The following CAMK1D variants were observed in gnomAD, a reference collection of about 807,000 sequenced individuals.
CAMK1D encodes calcium/calmodulin dependent protein kinase ID.
In CAMK1D, 9 loss-of-function variants were observed where a neutral mutation model predicts 47.7. The ratio of observed to expected loss-of-function variants is 0.19; its 90% CI spans 0.11 to 0.33. CAMK1D has a LOEUF of 0.33. Among genes scored for constraint, CAMK1D ranks in the 10% least tolerant of loss-of-function variants. The pLI, the probability that CAMK1D is intolerant of heterozygous loss-of-function variation, is 1.00. For missense variants in CAMK1D, 291 were observed against 488.7 expected, an observed-to-expected ratio of 0.60 and a Z score of 3.81; for synonymous variants, 184 against 184.9, an observed-to-expected ratio of 0.99 and a Z score of 0.04.
At chr10:12,624,995 TTCCTCCTCCTCCTCC>T (rs57078350) in intron 2 of CAMK1D, among the ~76,000 whole-genome samples, 1 of 148,286 alleles carries the variant, frequency 6.7e-6, no homozygotes, top group East Asian at 2.0e-4. Context: ...TTCCTCCTCT[TTCCTCCTCCTCCTCC>T]TCCTCCTCCT....
chr10:12,774,292 T>C (rs1429157357), intron 5 of CAMK1D, among the ~76,000 whole-genome samples: 1 of 151,926 alleles, frequency 6.6e-6, no homozygotes, highest in African/African-American at 2.4e-5. Context: ...TTAACTACAG[T>C]GTGCAGGCAG....
intron 8 of CAMK1D, among the ~76,000 whole-genome samples, chr10:12,820,120 A>G (rs1486857460): frequency 2.6e-5 from 4 of 152,216 alleles, no homozygotes; most frequent in African/African-American, 4.8e-5. Flanking sequence ...GCTCACTGCA[A>G]CCTCCGCTTC....
intron 2 of CAMK1D, among the ~76,000 whole-genome samples, chr10:12,637,932 G>A (rs776961569): frequency 3.0e-4 from 45 of 152,150 alleles, no homozygotes; most frequent in Non-Finnish European, 5.4e-4. Context: ...GGCCACCGAT[G>A]TCCAGCCTTG....
intron 1 of CAMK1D, among the ~76,000 whole-genome samples, chr10:12,462,417 G>A (rs932012151): frequency 7.9e-5 from 12 of 151,664 alleles, no homozygotes; most frequent in African/African-American, 2.9e-4. Context: ...GCCCACCCTG[G>A]CCTCCCAAAG....
At chr10:12,510,652 C>G (rs1427354349) in intron 1 of CAMK1D, among the ~76,000 whole-genome samples, 7 of 152,172 alleles carry the variant, frequency 4.6e-5, no homozygotes. Context: ...CCGGGACCCC[C>G]CTACGAATTC....
chr10:12,669,707 C>G (rs1043814754), intron 3 of CAMK1D, among the ~76,000 whole-genome samples: 8 of 152,164 alleles, frequency 5.3e-5, no homozygotes, highest in Non-Finnish European at 1.2e-4. Flanking sequence ...ATTCATGACC[C>G]TAGTCAACCA....
At position 12,489,061 on chromosome 10, in the gene CAMK1D, G is replaced by T. The variant is rs552791658; in HGVS notation, c.93-64164G>T. Among the ~76,000 whole-genome samples the T allele has an allele frequency of 7.9e-5, 12 of 152,128 alleles. No homozygotes were observed. In the East Asian group the frequency reaches 2.3e-3, roughly 29 times the overall value. ...TGCCATTCTCCTGCCTCAGTCTCCC[G>T]AGTAGCTGGGACTACTGGCGCCCGC... On this transcript the variant is annotated intron_variant, in intron 1 of 10. Transcript: ENST00000619168.
chr10:12,772,929 G>C (rs2493775), intron 5 of CAMK1D, among the ~76,000 whole-genome samples: 1 of 151,958 alleles, frequency 6.6e-6, no homozygotes, highest in African/African-American at 2.4e-5. Context: ...TAGGCAGTTA[G>C]CAGCTGAGCT....
At chr10:12,583,125 A>AT (rs897786911) in intron 2 of CAMK1D, among the ~76,000 whole-genome samples, 12 of 152,080 alleles carry the variant, frequency 7.9e-5, no homozygotes, top group Non-Finnish European at 1.3e-4. Flanking sequence ...AAGCCCAACA[A>AT]TTTTTTATCA....
rs1192563700 is a variant in CAMK1D, at chr10:12,694,005, A to T, written c.299+27195A>T. On this transcript the variant is annotated intron_variant, in intron 3 of 10. Transcript: ENST00000619168. ...ATTATATATACATATAATATATATA[A>T]TATATATTAAATATATATAATATAT... Among the ~76,000 whole-genome samples, 11 of 77,442 alleles carry T rather than the reference A, an allele frequency of 1.4e-4. 1 individual carries two copies. The highest frequency in any genetic ancestry group is 8.1e-4 in the South Asian group (2 of 2,468). 50.8% of individuals were successfully genotyped at this position (77,442 alleles called of 152,430 possible).
intron 1 of CAMK1D, among the ~76,000 whole-genome samples, chr10:12,544,854 G>A (rs1348796474): frequency 6.6e-6 from 1 of 152,084 alleles, no homozygotes; most frequent in African/African-American, 2.4e-5. Flanking sequence ...CTAGTGTTGA[G>A]TGGATAGTAC....
At chr10:12,580,165 A>G (rs894436030) in intron 2 of CAMK1D, among the ~76,000 whole-genome samples, 11 of 152,140 alleles carry the variant, frequency 7.2e-5, no homozygotes, top group African/African-American at 1.4e-4. Flanking sequence ...AGGGTTAGTC[A>G]TTCAGACCTG....
intron 1 of CAMK1D, among the ~76,000 whole-genome samples, chr10:12,370,247 G>C (rs1837965540): frequency 6.6e-6 from 1 of 152,106 alleles, no homozygotes. Flanking sequence ...CGATGCTGGG[G>C]TCAACAGACC....
intron 2 of CAMK1D, among the ~76,000 whole-genome samples, chr10:12,648,909 G>T (rs1421938454): frequency 6.6e-6 from 1 of 152,134 alleles, no homozygotes; most frequent in East Asian, 1.9e-4. Context: ...ACAAGGTCTT[G>T]CTCTGTTGCC....
rs1564402620 is a variant in CAMK1D at position 12,544,860 on chromosome 10, AGTACTAGTGTTGAGTGGATG to A, written c.93-8330_93-8311del. Among the ~76,000 whole-genome samples the A allele has an allele frequency of 6.8e-5, 9 of 132,348 alleles. No individual in the cohort carries two copies. The East Asian group carries it at 1.1e-3, about 17-fold the overall frequency. The allele number at this position is 132,348 out of a possible 152,430, so 86.8% of individuals were successfully genotyped here. A position where few individuals can be genotyped will look rare whatever the true frequency, so the allele number is the denominator to read the frequency against. ...TGGATAGTACTAGTGTTGAGTGGATAGTACTAGTGTTGAGTGGATGGTACTAGTGTTGAGTGGATGGTACT... is the reference window on the plus strand; with the variant it reads ...TGGATAGTACTAGTGTTGAGTGGATAGTACTAGTGTTGAGTGGATGGTACT... On this transcript the variant is annotated intron_variant, in intron 1 of 10. Coordinates refer to ENST00000619168, the MANE Select transcript of CAMK1D (RefSeq NM_153498.4).
At chr10:12,747,412 C>T (rs1042416566) in intron 3 of CAMK1D, among the ~76,000 whole-genome samples, 14 of 151,974 alleles carry the variant, frequency 9.2e-5, no homozygotes, top group African/African-American at 3.4e-4. Context: ...TGTAAACAAT[C>T]CTCTTGTCTC....
chr10:12,648,970 T>A (rs1034089865), intron 2 of CAMK1D, among the ~76,000 whole-genome samples: 6 of 152,134 alleles, frequency 3.9e-5, no homozygotes, highest in African/African-American at 1.4e-4. Context: ...TGGGCTCAAG[T>A]CATCCACCGC....
intron 1 of CAMK1D, among the ~76,000 whole-genome samples, chr10:12,422,483 G>A (rs1047428789): frequency 1.3e-5 from 2 of 152,080 alleles, no homozygotes; most frequent in Admixed American, 6.6e-5. Flanking sequence ...GAGGGGATGC[G>A]ATGCCTGGAT....
chr10:12,725,049 C>G (rs1027208817), intron 3 of CAMK1D, among the ~76,000 whole-genome samples: 12 of 152,212 alleles, frequency 7.9e-5, no homozygotes, highest in African/African-American at 2.9e-4. Context: ...TGTTTTGCAG[C>G]AGAAGCAAGG....
Sources: gnomAD v4.1 joint callset for allele counts (sites outside exome capture counted in the v4.1 genomes callset) on GRCh38, gnomAD v4.1.1 for gene constraint, MANE v1.5 for transcripts, NCBI Gene and HGNC (gene_info 2026-07-23, HGNC 2026-07-21) for gene names.